Variants in PLEKHA6 observed in about 807,000 individuals in gnomAD.
PLEKHA6 encodes pleckstrin homology domain-containing family A member 6.
In PLEKHA6, 60 loss-of-function variants were observed where a neutral mutation model predicts 116.7. That is an observed-to-expected ratio of 0.51 (90% CI 0.42 to 0.64). PLEKHA6 has a LOEUF of 0.64. PLEKHA6 is among the 30% of genes least tolerant of loss of function. The pLI is 0.00. For missense variants in PLEKHA6, 1,338 were observed against 1,422.7 expected, an observed-to-expected ratio of 0.94 and a Z score of 0.96; for synonymous variants, 489 against 556.1, an observed-to-expected ratio of 0.88 and a Z score of 1.70.
intron 1 of PLEKHA6, among the ~76,000 whole-genome samples, chr1:204,316,254 C>T (rs553848945): frequency 2.6e-5 from 4 of 152,236 alleles, no homozygotes; most frequent in South Asian, 4.1e-4. Flanking sequence ...AAAGAAACAT[C>T]GGGACTGACA....
intron 21 of PLEKHA6, among the ~76,000 whole-genome samples, chr1:204,225,428 G>A (rs1660208688): frequency 6.6e-6 from 1 of 152,224 alleles, no homozygotes; most frequent in South Asian, 2.1e-4. Flanking sequence ...ATATTATAAT[G>A]TGTGCAATCA....
chr1:204,253,845 A>C lies in PLEKHA6; in HGVS notation c.1525-3231T>G, dbSNP rs373791040. 1.0e-3 allele frequency among the ~76,000 whole-genome samples: 151 copies of C among 147,698 alleles called. 1 individual carries two copies. Among genetic ancestry groups the C allele is most frequent in the African/African-American group, 1.2e-3 (50 of 40,034 alleles). ...TGAGATCTTGTCTCAAAAAAAAAAA[A>C]AAAAACAAAAACAAAAACAAACAAA... On this transcript the variant is annotated intron_variant, in intron 9 of 22. Transcript: ENST00000272203.
intron 8 of PLEKHA6, among the ~76,000 whole-genome samples, chr1:204,258,497 T>G (rs960490512): frequency 6.6e-6 from 1 of 152,100 alleles, no homozygotes; most frequent in Non-Finnish European, 1.5e-5. Context: ...CAAGTGGTTC[T>G]CCCCAGAGCA....
At chr1:204,324,896 G>T (rs904809505) in intron 1 of PLEKHA6, among the ~76,000 whole-genome samples, 1 of 152,092 alleles carries the variant, frequency 6.6e-6, no homozygotes. Flanking sequence ...GAGAGGAGAT[G>T]CAGGAATACA....
chr1:204,308,687 C>CTTTTTCTTTTTT (rs1553275657), intron 1 of PLEKHA6, among the ~76,000 whole-genome samples: 15 of 81,368 alleles, frequency 1.8e-4, no homozygotes, highest in African/African-American at 4.3e-4. Context: ...TTTTCTTTTT[C>CTTTTTCTTTTTT]TTTTTTTTTT....
chr1:204,355,421 C>T (rs1255589622), intron 1 of PLEKHA6, among the ~76,000 whole-genome samples: 1 of 152,062 alleles, frequency 6.6e-6, no homozygotes, highest in Non-Finnish European at 1.5e-5. Context: ...TGAGTTTGAC[C>T]CCATAACTAC....
chr1:204,273,944 TA>T (rs1302405904), intron 2 of PLEKHA6, among the ~76,000 whole-genome samples: 1 of 152,142 alleles, frequency 6.6e-6, no homozygotes, highest in Non-Finnish European at 1.5e-5. Context: ...TTATTTTATT[TA>T]TTTTTTGAGA....
In PLEKHA6 at chr1:204,261,026, A is replaced by G. The variant is rs1666041683; in HGVS notation, c.524+280T>C. Among the ~76,000 whole-genome samples, 1 of 152,180 alleles carries G rather than the reference A, an allele frequency of 6.6e-6. No individual in the cohort carries two copies. Among genetic ancestry groups the G allele is most frequent in the African/African-American group, 2.4e-5 (1 of 41,436 alleles). ...CACAGCCGAGAAAAACCAGCAAATG[A>G]CCCTGACCTCTGGCTCCTGGCCAGA... On this transcript the variant is annotated intron_variant, in intron 7 of 22. Coordinates refer to ENST00000272203, the MANE Select transcript of PLEKHA6 (RefSeq NM_014935.5). This position sits in a 1 kb window ranked among gnomAD's most constrained non-coding sequence, Gnocchi z 4.0.
chr1:204,257,393 G>A lies in PLEKHA6; in HGVS notation c.1484C>T (p.Pro495Leu), dbSNP rs868715590. The change falls in exon 9 of 23, where the codon CCT (proline) becomes CTT (leucine). Residue 495 changes from proline (P) to leucine (L), a missense_variant. By Grantham distance (98) the Pro-to-Leu change is moderately conservative (BLOSUM62 -3). Coordinates refer to ENST00000272203, the MANE Select transcript of PLEKHA6 (RefSeq NM_014935.5). The surrounding 1 kb of genome is among the most constrained non-coding windows in gnomAD (Gnocchi z 6.5). ...GGATCGCCTCATCACATAGGCAGCA[G>A]GGTCAGCATAGATGTCCTCACTGCG... ...PPRSEDIYAD[P>L]AAYVMRRSIS... 1 of 1,563,730 alleles carries A rather than the reference G, an allele frequency of 6.4e-7. No homozygotes were observed. The highest frequency in any genetic ancestry group is 8.7e-7 in the Non-Finnish European group (1 of 1,153,470).
At chr1:204,270,578 A>G (rs961689556) in intron 3 of PLEKHA6, among the ~76,000 whole-genome samples, 5 of 152,232 alleles carry the variant, frequency 3.3e-5, no homozygotes, top group African/African-American at 9.6e-5. Context: ...ACAATCATGT[A>G]TACAGGGCTG....
At chr1:204,235,240 C>A (rs1661869028) in intron 17 of PLEKHA6, among the ~76,000 whole-genome samples, 1 of 151,672 alleles carries the variant, frequency 6.6e-6, no homozygotes, top group Non-Finnish European at 1.5e-5. Context: ...ACTGATAGTC[C>A]TTGGCATGAA....
rs73075552 is a variant in PLEKHA6, at chr1:204,262,275, G to A, written c.382-827C>T. On this transcript the variant is annotated intron_variant, in intron 6 of 22. Transcript: ENST00000272203. ...AGGCTGGTGGTGGAGAGTGAGTCAG[G>A]GAATCGCAGTGCTAAGCCTGGCTCT... Among the ~76,000 whole-genome samples the A allele has an allele frequency of 5.0e-3, 768 of 152,290 alleles. 2 individuals carry two copies. The highest frequency in any genetic ancestry group is 0.014 in the Middle Eastern group (4 of 294).
At chr1:204,256,029 G>A (rs975273427) in intron 9 of PLEKHA6, among the ~76,000 whole-genome samples, 2 of 152,218 alleles carry the variant, frequency 1.3e-5, no homozygotes, top group African/African-American at 2.4e-5. Context: ...GGTTGTTTCT[G>A]GGTGCGTGTG....
Position 204,296,886 on chromosome 1 carries a change from C to T in PLEKHA6, c.-94-22077G>A, listed in dbSNP as rs766844051. On this transcript the variant is annotated intron_variant, in intron 1 of 22. Coordinates refer to ENST00000272203, the MANE Select transcript of PLEKHA6 (RefSeq NM_014935.5). ...ACTCTGTGTCTGCAGAGAGCGTGGA[C>T]GGAAATGAGAGGTTTGAGGCATCGC... 2.1e-4 allele frequency among the ~76,000 whole-genome samples: 32 copies of T among 152,062 alleles called. 1 individual carries two copies. The highest frequency in any genetic ancestry group is 5.2e-4 in the Admixed American group (8 of 15,266).
chr1:204,251,916 G>A (rs1664623573), intron 9 of PLEKHA6, among the ~76,000 whole-genome samples: 1 of 151,738 alleles, frequency 6.6e-6, no homozygotes. Flanking sequence ...CACTGGCCAC[G>A]GTTGTCATCT....
At chr1:204,297,267 C>T in intron 1 of PLEKHA6, 1 of 911,738 alleles carries the variant, frequency 1.1e-6, no homozygotes, top group African/African-American at 1.8e-5. Context: ...CATGGAGTGT[C>T]TAAATGTAAA....
At chr1:204,275,959 T>C (rs1185561316) in intron 1 of PLEKHA6, 2 of 152,242 alleles carry the variant, frequency 1.3e-5, no homozygotes, top group Non-Finnish European at 2.9e-5. Context: ...AAGAGCTGGC[T>C]CTGCTTGACA....
At chr1:204,301,508 C>A (rs1670814180) in intron 1 of PLEKHA6, 1 of 983,126 alleles carries the variant, frequency 1.0e-6, no homozygotes, top group Admixed American at 6.1e-5. Context: ...AAGTCCCCAC[C>A]TCATTGGGCT....
Position 204,228,056 on chromosome 1 carries a change from G to T in PLEKHA6, c.3031+27C>A, listed in dbSNP as rs376619501. On this transcript the variant is annotated intron_variant, in intron 21 of 22. Coordinates refer to ENST00000272203, the MANE Select transcript of PLEKHA6 (RefSeq NM_014935.5). This position sits in a 1 kb window ranked among gnomAD's most constrained non-coding sequence, Gnocchi z 4.0. ...CCTGGTCAGCTGGTTTCCCTGGCAG[G>T]GTGGAGCGAGGCCCAGCCCCTCTCA... is the stretch of plus-strand genomic sequence containing the variant. The T allele has an allele frequency of 4.2e-5, 67 of 1,606,982 alleles. No homozygotes were observed. Among genetic ancestry groups the T allele is most frequent in the Non-Finnish European group, 5.2e-5 (61 of 1,177,086 alleles).
Sources: allele counts gnomAD v4.1 joint callset (sites outside exome capture counted in the v4.1 genomes callset), GRCh38; gene constraint gnomAD v4.1.1; non-coding constraint Gnocchi (gnomAD v3.1); transcripts MANE v1.5; gene names NCBI Gene and HGNC (gene_info 2026-07-23, HGNC 2026-07-21).